Variants in SPATA16 observed in about 807,000 individuals in gnomAD.
SPATA16 encodes the protein spermatogenesis associated 16, also known as spermatogenesis-associated protein 16.
SPATA16 carries 36 observed loss-of-function variants against 63.3 expected under a neutral mutation model. That is an observed-to-expected ratio of 0.57 (90% CI 0.44 to 0.75). The LOEUF is 0.75. Ranked by LOEUF, SPATA16 falls within the 30% of genes least tolerant of loss-of-function variation. The pLI is 0.00. For synonymous variants in SPATA16, 203 were observed against 216.7 expected, an observed-to-expected ratio of 0.94 and a Z score of 0.56; for missense variants, 646 against 679.3, an observed-to-expected ratio of 0.95 and a Z score of 0.54.
At chr3:173,124,426 C>T (rs1738172258) in intron 1 of SPATA16, among the ~76,000 whole-genome samples, 1 of 152,202 alleles carries the variant, frequency 6.6e-6, no homozygotes, top group Non-Finnish European at 1.5e-5. Context: ...CCACAAGCAG[C>T]TCCTTGAATG....
intron 5 of SPATA16, among the ~76,000 whole-genome samples, chr3:172,972,373 A>T (rs1456293109): frequency 6.6e-6 from 1 of 152,168 alleles, no homozygotes; most frequent in Non-Finnish European, 1.5e-5. Flanking sequence ...GCTTCTTTGG[A>T]GCCAAGAGCT....
At chr3:173,062,734 T>G (rs763417768) in intron 2 of SPATA16, among the ~76,000 whole-genome samples, 3 of 152,182 alleles carry the variant, frequency 2.0e-5, no homozygotes, top group African/African-American at 4.8e-5. Context: ...TCCCAATGTT[T>G]TTGGCACCAG....
At position 172,960,875 on chromosome 3, in the gene SPATA16, C is replaced by CTTTCTTTCTT. The variant is rs139523157; in HGVS notation, c.934-4052_934-4051insAAGAAAGAAA. Among the ~76,000 whole-genome samples the CTTTCTTTCTT allele has an allele frequency of 5.7e-4, 81 of 142,182 alleles. 1 individual carries two copies. Among genetic ancestry groups the CTTTCTTTCTT allele is most frequent in the African/African-American group, 2.1e-3 (79 of 36,954 alleles). The allele number at this position is 142,182 out of a possible 152,430, so 93.3% of individuals were successfully genotyped here. On this transcript the variant is annotated intron_variant, in intron 5 of 10. Transcript: ENST00000351008. ...GAATTATGTAACTTACTTTCTTTCTCTCTTTCTTTCTCTCTCTCCTTCCTT... is the reference window on the plus strand; with the variant it reads ...GAATTATGTAACTTACTTTCTTTCTCTTTCTTTCTTTCTTTCTTTCTCTCTCTCCTTCCTT...
In SPATA16 at chr3:172,956,784, GAGAA is replaced by G. The variant is rs1560078514; in HGVS notation, c.970_973del (p.Phe324ArgfsTer11). 6.2e-7 allele frequency: 1 copy of G among 1,613,174 alleles called. No homozygotes were observed. The highest frequency in any genetic ancestry group is 1.1e-5 in the South Asian group (1 of 91,054). On this transcript the variant is annotated frameshift_variant, in exon 6 of 11. Transcript: ENST00000351008. LOFTEE classifies it high-confidence loss of function. ...TGTCGCAAATGGTGTGTACATAACC[GAGAA>G]AGATTCAGCTCTGGTGATGGCTTCC...
intron 2 of SPATA16, among the ~76,000 whole-genome samples, chr3:173,100,707 C>CAGAG (rs372027586): frequency 4.4e-4 from 64 of 143,928 alleles, no homozygotes; most frequent in Middle Eastern, 3.6e-3. Context: ...CACACACACA[C>CAGAG]AGAGTAAATT....
intron 6 of SPATA16, among the ~76,000 whole-genome samples, chr3:172,944,911 G>C (rs1733244602): frequency 1.3e-5 from 2 of 152,124 alleles, no homozygotes; most frequent in African/African-American, 4.8e-5. Flanking sequence ...TGGTGGTAAT[G>C]GTTGCACAAT....
chr3:172,950,281 A>G (rs888625818), intron 6 of SPATA16, among the ~76,000 whole-genome samples: 9 of 152,346 alleles, frequency 5.9e-5, no homozygotes, highest in Middle Eastern at 3.4e-3. Flanking sequence ...GGTGAACTCC[A>G]TTAGATGGAG....
intron 5 of SPATA16, among the ~76,000 whole-genome samples, chr3:172,961,136 CTTGTGGAGGAG>C (rs774311143): frequency 1.8e-5 from 2 of 114,246 alleles, no homozygotes; most frequent in Non-Finnish European, 3.5e-5. Flanking sequence ...CTTTCTCTTT[CTTGTGGAGGAG>C]TTGGGCAAAT....
At chr3:173,037,641 A>G (rs1185791765) in intron 3 of SPATA16, among the ~76,000 whole-genome samples, 1 of 152,110 alleles carries the variant, frequency 6.6e-6, no homozygotes, top group Non-Finnish European at 1.5e-5. Context: ...AGGAAGAGTC[A>G]TAAGAAAGGT....
rs141426153 is a variant in SPATA16, at chr3:173,084,420, C to T, written c.612+32700G>A. The stretch of plus-strand genomic sequence containing the variant: ...TTCCTTGTAGATTCTGGATATTAGA[C>T]CTTTGTCAGATGCATAGATGGCAAA... On this transcript the variant is annotated intron_variant, in intron 2 of 10. Coordinates refer to ENST00000351008, the MANE Select transcript of SPATA16 (RefSeq NM_031955.6). Among the ~76,000 whole-genome samples the T allele has an allele frequency of 2.2e-3, 341 of 152,060 alleles. 4 individuals are homozygous for T. The highest frequency in any genetic ancestry group is 7.7e-3 in the African/African-American group (319 of 41,476).
chr3:172,932,664 GTTA>G (rs1314587113), intron 6 of SPATA16, among the ~76,000 whole-genome samples: 2 of 152,030 alleles, frequency 1.3e-5, no homozygotes, highest in African/African-American at 2.4e-5. Context: ...AAGCAAAGTT[GTTA>G]TTATTATTGC....
intron 2 of SPATA16, among the ~76,000 whole-genome samples, chr3:173,074,204 C>G (rs1449184955): frequency 6.6e-6 from 1 of 152,134 alleles, no homozygotes; most frequent in African/African-American, 2.4e-5. Flanking sequence ...AGACTTTGGA[C>G]TGTGGACTTT....
chr3:172,972,282 T>C (rs1371650374), intron 5 of SPATA16, among the ~76,000 whole-genome samples: 2 of 152,196 alleles, frequency 1.3e-5, no homozygotes, highest in African/African-American at 4.8e-5. Context: ...CATGTCATGC[T>C]TTCTACACGG....
chr3:173,048,890 A>T, intron 3 of SPATA16, 59 bp downstream of exon 3: 1 of 1,593,620 alleles, frequency 6.3e-7, no homozygotes, highest in Non-Finnish European at 8.6e-7. Flanking sequence ...GCAAGCTCAG[A>T]TAGTACCCTC....
chr3:173,023,532 T>C (rs955265565), intron 3 of SPATA16, among the ~76,000 whole-genome samples: 1 of 151,954 alleles, frequency 6.6e-6, no homozygotes, highest in Non-Finnish European at 1.5e-5. Flanking sequence ...TTTTGTTTCT[T>C]CCAGCTACAA....
intron 2 of SPATA16, among the ~76,000 whole-genome samples, chr3:173,104,855 G>A (rs1161618922): frequency 6.6e-6 from 1 of 152,050 alleles, no homozygotes; most frequent in African/African-American, 2.4e-5. Context: ...TAATGGCCAG[G>A]GTTCATATTC....
chr3:173,042,739 G>A (rs1435989197), intron 3 of SPATA16, among the ~76,000 whole-genome samples: 2 of 152,094 alleles, frequency 1.3e-5, no homozygotes, highest in African/African-American at 4.8e-5. Context: ...ATAAAGCAGG[G>A]ATTCAAATCT....
At chr3:173,004,519 C>T (rs994924246) in intron 4 of SPATA16, among the ~76,000 whole-genome samples, 2 of 151,762 alleles carry the variant, frequency 1.3e-5, no homozygotes, top group African/African-American at 4.8e-5. Context: ...AGTCTTGACC[C>T]TTCATCCTCT....
At chr3:172,929,295 C>T in intron 6 of SPATA16, among the ~76,000 whole-genome samples, 1 of 152,052 alleles carries the variant, frequency 6.6e-6, no homozygotes. Flanking sequence ...AAAGTGGATG[C>T]TTTAGAAAAT....
Sources: gnomAD v4.1 joint callset for allele counts (sites outside exome capture counted in the v4.1 genomes callset) on GRCh38, gnomAD v4.1.1 for gene constraint, MANE v1.5 for transcripts, NCBI Gene and HGNC (gene_info 2026-07-23, HGNC 2026-07-21) for gene names.